DOCK10: variants seen among roughly 807,000 people sequenced by gnomAD.
DOCK10 encodes the protein dedicator of cytokinesis protein 10.
A neutral mutation model predicts 280.1 loss-of-function variants in DOCK10; 145 were observed. That is an observed-to-expected ratio of 0.52 (90% CI 0.45 to 0.59). The LOEUF (loss-of-function observed/expected upper bound fraction) is 0.59, where lower values mean the gene tolerates loss of function less well. Among genes scored for constraint, DOCK10 ranks in the 20% least tolerant of loss-of-function variants. The pLI, the probability that DOCK10 is intolerant of heterozygous loss-of-function variation, is 0.00. For missense variants in DOCK10, 2,368 were observed against 2,651.7 expected, an observed-to-expected ratio of 0.89 and a Z score of 2.35; for synonymous variants, 915 against 942.2, an observed-to-expected ratio of 0.97 and a Z score of 0.53.
At chr2:224,911,424 G>T (rs1029081843) in intron 3 of DOCK10, among the ~76,000 whole-genome samples, 5 of 152,220 alleles carry the variant, frequency 3.3e-5, no homozygotes, top group Non-Finnish European at 7.3e-5. Flanking sequence ...CCCTAGAATA[G>T]TCCTTTGAAG....
chr2:224,791,555 C>T (rs141963189), intron 47 of DOCK10, among the ~76,000 whole-genome samples: 15 of 151,794 alleles, frequency 9.9e-5, no homozygotes, highest in African/African-American at 3.6e-4. Context: ...ACCTCCACCT[C>T]CTGGGTTCAA....
In DOCK10 at chr2:224,795,071, C is replaced by T. The variant is rs1692471508; in HGVS notation, c.4962G>A (p.Val1654=). ...QMKNSNFPAE[V]KDLTKRIRTV... is the part of the protein sequence containing the mutation. ...TCCTTATACGCTTAGTCAGGTCCTT[C>T]ACCTCTGCTGGGAAATTGCTGTTCT... The change falls in exon 45 of 56, where the codon GTG becomes GTA. Residue 1654 remains valine (V), a synonymous_variant. Coordinates refer to ENST00000258390, the MANE Select transcript of DOCK10 (RefSeq NM_014689.3). The T allele has an allele frequency of 6.2e-7, 1 of 1,613,932 alleles. No individual in the cohort carries two copies.
intron 1 of DOCK10, among the ~76,000 whole-genome samples, chr2:224,978,083 C>G (rs929042500): frequency 6.6e-6 from 1 of 152,292 alleles, no homozygotes; most frequent in South Asian, 2.1e-4. Context: ...AAATAATCAA[C>G]AGATCCCTAT....
chr2:224,979,251 C>T (rs1705619488), intron 1 of DOCK10, among the ~76,000 whole-genome samples: 1 of 152,236 alleles, frequency 6.6e-6, no homozygotes, highest in Non-Finnish European at 1.5e-5. Context: ...ACTGAATTCT[C>T]ACAATAACCT....
At chr2:224,979,987 T>C (rs1575144533) in intron 1 of DOCK10, among the ~76,000 whole-genome samples, 1 of 150,656 alleles carries the variant, frequency 6.6e-6, no homozygotes, top group South Asian at 2.1e-4. Context: ...CAATATACAA[T>C]ACTTGGTGAC....
In DOCK10 at chr2:225,042,348, G is replaced by T. The variant is rs1690462097; in HGVS notation, c.27C>A (p.Phe9Leu). Residue 9 changes from phenylalanine (F) to leucine (L), a missense_variant, in exon 1 of 56, where the codon TTC becomes TTA. Around this residue, in one of 2 missense-constraint regions of DOCK10, gnomAD observed 1,209 missense variants for 1,250.9 expected, o/e 0.97. Transcript: ENST00000258390. This position sits in a 1 kb window ranked among gnomAD's most constrained non-coding sequence, Gnocchi z 5.1. ...GCCCAGGTCTCAACAGGCTCCGGGT[G>T]AACCTGCGGGTCCGCTCACCGGCCA... MAGERTRR[F>L]TRSLLRPGQA... The T allele has an allele frequency of 9.2e-6, 12 of 1,304,468 alleles. No individual in the cohort carries two copies. The highest frequency in any genetic ancestry group is 1.2e-5 in the Non-Finnish European group (12 of 1,024,624). 80.8% of individuals were successfully genotyped at this position (1,304,468 alleles called of 1,614,324 possible).
At position 224,830,546 on chromosome 2, in the gene DOCK10, T is replaced by G; in HGVS notation, c.3031A>C (p.Ile1011Leu). 6.8e-7 allele frequency: 1 copy of G among 1,480,440 alleles called. No homozygotes were observed. Among genetic ancestry groups the G allele is most frequent in the Non-Finnish European group, 9.1e-7 (1 of 1,098,622 alleles). 91.7% of individuals were successfully genotyped at this position (1,480,440 alleles called of 1,614,324 possible). A position where few individuals can be genotyped will look rare whatever the true frequency, so the allele number is the denominator to read the frequency against. ...TATATTACTTATGTTCTTACCTGGA[T>G]TTTATTTGTGTCAATCAAGTGCTGT... ...MAQHLIDTNKIQLPRPQRFPE... is the reference protein window; with the variant it reads ...MAQHLIDTNKLQLPRPQRFPE... Residue 1011 changes from isoleucine (I) to leucine (L), a missense_variant, in exon 27 of 56, where the codon ATC (isoleucine) becomes CTC (leucine). Ile to Leu is a conservative substitution (Grantham distance 5). Around this residue, in one of 2 missense-constraint regions of DOCK10, gnomAD observed 1,209 missense variants for 1,250.9 expected, o/e 0.97. Transcript: ENST00000258390.
intron 1 of DOCK10, among the ~76,000 whole-genome samples, chr2:224,999,206 T>G (rs1337507223): frequency 5.3e-5 from 8 of 151,766 alleles, no homozygotes; most frequent in African/African-American, 1.9e-4. Flanking sequence ...ATTTATAGTA[T>G]TGTTTTTCTT....
intron 1 of DOCK10, among the ~76,000 whole-genome samples, chr2:225,015,637 G>A (rs1450666952): frequency 6.6e-6 from 1 of 152,174 alleles, no homozygotes; most frequent in Non-Finnish European, 1.5e-5. Context: ...TTAGAAACGA[G>A]GCTCTTGGGA....
At chr2:224,886,260 G>C (rs781116822) in intron 5 of DOCK10, 75 bp from the exon 6 acceptor site, 53 of 1,581,966 alleles carry the variant, frequency 3.4e-5, no homozygotes, top group Non-Finnish European at 4.4e-5. Flanking sequence ...TTAAAAAAGA[G>C]ACTCCTCTTC....
chr2:224,806,021 G>A (rs879433422), intron 34 of DOCK10, 105 bp downstream of exon 34: 10 of 645,768 alleles, frequency 1.5e-5, no homozygotes, highest in Non-Finnish European at 2.4e-5. Context: ...ACTTTGCCAC[G>A]TAGATTATGC....
At chr2:225,008,376 T>C (rs929389208) in intron 1 of DOCK10, among the ~76,000 whole-genome samples, 1 of 152,214 alleles carries the variant, frequency 6.6e-6, no homozygotes, top group African/African-American at 2.4e-5. Context: ...ACACTTTTTC[T>C]TCTGAGGCAG....
At chr2:224,863,502 G>C (rs1329612226) in intron 13 of DOCK10, among the ~76,000 whole-genome samples, 4 of 151,966 alleles carry the variant, frequency 2.6e-5, no homozygotes, top group Non-Finnish European at 5.9e-5. Flanking sequence ...GCCCAGGCTG[G>C]AGTGCAGTGG....
intron 1 of DOCK10, among the ~76,000 whole-genome samples, chr2:225,018,881 T>TA (rs554476795): frequency 6.8e-6 from 1 of 147,100 alleles, no homozygotes; most frequent in Non-Finnish European, 1.5e-5. Context: ...ATGTATATCA[T>TA]TATATATGTG....
intron 11 of DOCK10, among the ~76,000 whole-genome samples, chr2:224,866,038 C>T (rs539055374): frequency 5.4e-4 from 83 of 152,326 alleles, no homozygotes; most frequent in Non-Finnish European, 6.0e-4. Flanking sequence ...GCCTAATCAC[C>T]GTGCAGCCAT....
chr2:224,970,443 A>G lies in DOCK10; in HGVS notation c.124-38775T>C, dbSNP rs368192140. Among the ~76,000 whole-genome samples the G allele has an allele frequency of 2.6e-5, 4 of 152,222 alleles. No individual in the cohort carries two copies. Among genetic ancestry groups the G allele is most frequent in the East Asian group, 1.9e-4 (1 of 5,204 alleles). ...GTTCTCAAAAGGCACAACAAGCCTG[A>G]TATCAATACCCAGATTTTGTCATTA... On this transcript the variant is annotated intron_variant, in intron 1 of 55. Coordinates refer to ENST00000258390, the MANE Select transcript of DOCK10 (RefSeq NM_014689.3). This position sits in a 1 kb window ranked among gnomAD's most constrained non-coding sequence, Gnocchi z 4.6.
At chr2:224,787,428 A>C in intron 48 of DOCK10, 31 bp from the exon 49 acceptor site, 1 of 1,613,136 alleles carries the variant, frequency 6.2e-7, no homozygotes, top group Non-Finnish European at 8.5e-7. Context: ...ATAAGATTTT[A>C]CATGATTAGG....
At chr2:225,033,236 G>A (rs757148726) in intron 1 of DOCK10, among the ~76,000 whole-genome samples, 19 of 151,704 alleles carry the variant, frequency 1.3e-4, no homozygotes, top group Non-Finnish European at 2.5e-4. Context: ...AGGCTGGAGT[G>A]CAGTGGCATG....
At chr2:225,009,662 A>C (rs1689381424) in intron 1 of DOCK10, among the ~76,000 whole-genome samples, 1 of 152,016 alleles carries the variant, frequency 6.6e-6, no homozygotes, top group Non-Finnish European at 1.5e-5. Flanking sequence ...GAAAGAAAAA[A>C]GAAAACAACA....
Sources: gnomAD v4.1 joint callset for allele counts (sites outside exome capture counted in the v4.1 genomes callset) on GRCh38, gnomAD v4.1.1 for gene constraint, gnomAD v4.1.1 regional missense constraint, Gnocchi (gnomAD v3.1) non-coding constraint, MANE v1.5 for transcripts, NCBI Gene and HGNC (gene_info 2026-07-23, HGNC 2026-07-21) for gene names.